Variants in EYS observed in about 807,000 individuals in gnomAD.
EYS encodes the protein protein eyes shut homolog.
EYS carries 250 observed loss-of-function variants against 282.1 expected under a neutral mutation model. The observed-to-expected ratio is 0.89, with a 90% CI of 0.80 to 0.98. The LOEUF (loss-of-function observed/expected upper bound fraction) is 0.98. EYS is among the 50% of genes least tolerant of loss of function. EYS has a pLI of 0.00. For synonymous variants in EYS, 1,355 were observed against 1,282.9 expected, an observed-to-expected ratio of 1.06 and a Z score of -1.20; for missense variants, 4,016 against 3,709.0, an observed-to-expected ratio of 1.08 and a Z score of -2.15.
intron 35 of EYS, among the ~76,000 whole-genome samples, chr6:63,976,587 T>TTTTAA (rs2149787252): frequency 6.6e-6 from 1 of 152,182 alleles, no homozygotes; most frequent in South Asian, 2.1e-4. Flanking sequence ...ACCTTGCAAT[T>TTTTAA]TTATTTTAGC....
At chr6:65,655,828 G>A (rs371071108) in intron 1 of EYS, among the ~76,000 whole-genome samples, 9 of 151,808 alleles carry the variant, frequency 5.9e-5, no homozygotes, top group Admixed American at 6.6e-5. Flanking sequence ...CGAAGATGCT[G>A]TGAACAATGT....
intron 5 of EYS, among the ~76,000 whole-genome samples, chr6:65,438,495 T>C (rs1768175122): frequency 6.6e-6 from 1 of 152,140 alleles, no homozygotes; most frequent in Non-Finnish European, 1.5e-5. Flanking sequence ...TGTTCCTATT[T>C]CTCCACATCC....
intron 12 of EYS, among the ~76,000 whole-genome samples, chr6:65,212,472 C>A (rs1582022962): frequency 6.6e-6 from 1 of 151,998 alleles, no homozygotes; most frequent in East Asian, 1.9e-4. Flanking sequence ...TTAATATATT[C>A]AATGAACTTT....
chr6:64,115,426 A>C (rs967742907), intron 31 of EYS, among the ~76,000 whole-genome samples: 3 of 152,122 alleles, frequency 2.0e-5, no homozygotes, highest in African/African-American at 7.2e-5. Context: ...ACCTGGCACC[A>C]AGAAGGATCC....
At chr6:64,286,648 T>C (rs1275783092) in intron 30 of EYS, among the ~76,000 whole-genome samples, 1 of 152,164 alleles carries the variant, frequency 6.6e-6, no homozygotes, top group Admixed American at 6.6e-5. Flanking sequence ...AATCATCTTG[T>C]CCATCACACT....
rs115000218 is a variant in EYS at position 64,340,746 on chromosome 6, G to T, written c.6079-33664C>A. On this transcript the variant is annotated intron_variant, in intron 29 of 42. Transcript: ENST00000503581. The stretch of plus-strand genomic sequence containing the variant: ...GGCCTAATTATACTAAAGAGCTTCT[G>T]CATGACAAACAAAATGATAAACAAA... Among the ~76,000 whole-genome samples, 243 of 151,820 alleles carry T rather than the reference G, an allele frequency of 1.6e-3. 1 individual carries two copies. The highest frequency in any genetic ancestry group is 5.6e-3 in the African/African-American group (233 of 41,480).
chr6:64,105,521 G>A (rs1772980840), intron 31 of EYS, among the ~76,000 whole-genome samples: 1 of 152,006 alleles, frequency 6.6e-6, no homozygotes, highest in South Asian at 2.1e-4. Context: ...ACAAATGTAC[G>A]ACATGTCCAT....
intron 2 of EYS, among the ~76,000 whole-genome samples, chr6:65,561,276 C>G (rs1338024454): frequency 2.0e-5 from 3 of 152,102 alleles, no homozygotes; most frequent in Non-Finnish European, 4.4e-5. Flanking sequence ...TAACATTACA[C>G]TCTATAACAC....
intron 36 of EYS, among the ~76,000 whole-genome samples, chr6:63,824,057 G>C (rs1424644624): frequency 2.0e-5 from 3 of 152,146 alleles, no homozygotes; most frequent in Admixed American, 6.5e-5. Context: ...TCTTACAAGT[G>C]ACAGCTAGAT....
intron 19 of EYS, among the ~76,000 whole-genome samples, chr6:64,853,349 G>A (rs1765946059): frequency 6.6e-6 from 1 of 152,020 alleles, no homozygotes; most frequent in Admixed American, 6.6e-5. Context: ...TAAACAAAAG[G>A]GAAGGTGGAA....
At chr6:64,555,136 T>C (rs1447749691) in intron 26 of EYS, among the ~76,000 whole-genome samples, 3 of 151,504 alleles carry the variant, frequency 2.0e-5, no homozygotes, top group African/African-American at 7.3e-5. Flanking sequence ...CATTAACAGA[T>C]GAATGGATAA....
In EYS at chr6:65,295,887, G is replaced by T; in HGVS notation, c.1999C>A (p.Arg667Ser). ...TSTHLRGYFF[R>S]KCVPGFKGTQ... ...CCTTTAAATCCTGGGACACACTTGC[G>T]GAAGAAATATCCCCTTAAATGTGTA... Residue 667 changes from arginine to serine, a missense_variant, in exon 12 of 43, where the codon CGC becomes AGC. By Grantham distance (110) the Arg-to-Ser change is moderately radical. Transcript: ENST00000503581. The T allele has an allele frequency of 6.5e-7, 1 of 1,547,574 alleles. No homozygotes were observed. Among genetic ancestry groups the T allele is most frequent in the Non-Finnish European group, 8.7e-7 (1 of 1,145,250 alleles).
At chr6:64,496,510 T>C (rs1400634269) in intron 26 of EYS, among the ~76,000 whole-genome samples, 2 of 152,008 alleles carry the variant, frequency 1.3e-5, no homozygotes. Context: ...TTTTATATTT[T>C]TTATTGTCAT....
intron 26 of EYS, among the ~76,000 whole-genome samples, chr6:64,546,217 G>A (rs1468361038): frequency 2.6e-5 from 4 of 152,130 alleles, no homozygotes; most frequent in East Asian, 1.9e-4. Context: ...AAATAAGGCC[G>A]CATATCTACA....
chr6:63,732,274 G>A (rs968424386), intron 41 of EYS, among the ~76,000 whole-genome samples: 11 of 152,130 alleles, frequency 7.2e-5, no homozygotes, highest in African/African-American at 2.4e-4. Flanking sequence ...TATGTTTTGA[G>A]AAGATGCTCA....
chr6:64,337,337 G>A (rs552925424), intron 29 of EYS, among the ~76,000 whole-genome samples: 5 of 151,896 alleles, frequency 3.3e-5, no homozygotes, highest in African/African-American at 7.3e-5. Context: ...GATCATTCAA[G>A]GCTACTATGA....
At chr6:65,023,242 G>A (rs1269619432) in intron 13 of EYS, among the ~76,000 whole-genome samples, 1 of 151,928 alleles carries the variant, frequency 6.6e-6, no homozygotes, top group Non-Finnish European at 1.5e-5. Flanking sequence ...TATATTAACT[G>A]CGGTCACTGT....
At chr6:64,055,834 C>T (rs929578104) in intron 33 of EYS, among the ~76,000 whole-genome samples, 4 of 152,052 alleles carry the variant, frequency 2.6e-5, no homozygotes, top group Non-Finnish European at 5.9e-5. Context: ...TATGGCAGGG[C>T]GATAGTGGGT....
chr6:64,207,125 T>C (rs752535752), intron 31 of EYS, among the ~76,000 whole-genome samples: 1 of 152,096 alleles, frequency 6.6e-6, no homozygotes, highest in Non-Finnish European at 1.5e-5. Context: ...TAATTGCCAA[T>C]GTATGGTACT....
Sources: gnomAD v4.1 joint callset for allele counts (sites outside exome capture counted in the v4.1 genomes callset) on GRCh38, gnomAD v4.1.1 for gene constraint, MANE v1.5 for transcripts, NCBI Gene and HGNC (gene_info 2026-07-23, HGNC 2026-07-21) for gene names.